The following SLC25A35 variants were observed in gnomAD, a reference collection of about 807,000 sequenced individuals.
SLC25A35 encodes solute carrier family 25, member 35.
A neutral mutation model predicts 30.5 loss-of-function variants in SLC25A35; 32 were observed. That is an observed-to-expected ratio of 1.05 (90% CI 0.79 to 1.41). The LOEUF is 1.41. SLC25A35 is among the 40% of genes most tolerant of loss of function. The pLI is 0.00. For synonymous variants in SLC25A35, 142 were observed against 158.1 expected (o/e 0.90, Z 0.77); for missense variants, 369 against 388.0 (o/e 0.95, Z 0.41).
rs1399548445 is a variant in SLC25A35, at chr17:8,290,102, C to T, written c.*403G>A. 2 of 1,505,424 alleles carry T rather than the reference C, an allele frequency of 1.3e-6. No homozygotes were observed. Among genetic ancestry groups the T allele is most frequent in the African/African-American group, 2.8e-5 (2 of 71,466 alleles). 93.3% of individuals were successfully genotyped at this position (1,505,424 alleles called of 1,614,324 possible). A position where few individuals can be genotyped will look rare whatever the true frequency, so the allele number is the denominator to read the frequency against. ...TTTATAATCAATATAATCTCTGTGC[C>T]TTTGAATCTAACAGGACACCTGGGT... On this transcript the variant is annotated 3_prime_UTR_variant, in exon 5 of 5. Coordinates refer to ENST00000577745, the MANE Select transcript of SLC25A35 (RefSeq NM_001320870.2).
chr17:8,291,071 C>CTG, intron 3 of SLC25A35, 95 bp from the exon 4 acceptor site: 1 of 1,519,584 alleles, frequency 6.6e-7, no homozygotes, highest in East Asian at 2.3e-5. Context: ...ATGCTGGTAA[C>CTG]TGGGGGAGCT....
intron 2 of SLC25A35, among the ~76,000 whole-genome samples, 166 bp downstream of exon 2, chr17:8,292,357 T>C (rs1353887829): frequency 6.6e-6 from 1 of 152,104 alleles, no homozygotes; most frequent in Non-Finnish European, 1.5e-5. Context: ...AGACTCCATC[T>C]AAAAAAAGAG....
downstream of SLC25A35, chr17:8,288,633 A>G (rs113617815): frequency 0.022 from 19,356 of 865,558 alleles, 352 homozygotes; most frequent in African/African-American, 0.07. Flanking sequence ...CGATTGGCCA[A>G]CGAGAGCGCA....
Position 8,290,295 on chromosome 17 carries a change from G to C in SLC25A35, c.*210C>G. 7.0e-7 allele frequency: 1 copy of C among 1,427,468 alleles called. No individual in the cohort carries two copies. The highest frequency in any genetic ancestry group is 9.1e-7 in the Non-Finnish European group (1 of 1,096,232). The allele number at this position is 1,427,468 out of a possible 1,614,324, so 88.4% of individuals were successfully genotyped here. On this transcript the variant is annotated 3_prime_UTR_variant, in exon 5 of 5. Transcript: ENST00000577745. ...GAGAGAGGGGTGTGAGTTACCCAGG[G>C]AATGGGTAGGGAAGGTTTAAAGCAA... is the stretch of plus-strand genomic sequence containing the variant.
chr17:8,293,556 T>C (rs918430258), intron 1 of SLC25A35, among the ~76,000 whole-genome samples: 12 of 140,078 alleles, frequency 8.6e-5, no homozygotes, highest in Non-Finnish European at 1.6e-4. Flanking sequence ...TCTTTTCTTT[T>C]TTTTTTTTTT....
chr17:8,291,484 C>A lies in SLC25A35; in HGVS notation c.443G>T (p.Gly148Val). ...AATCTCGGTTAGCGCCTGAAACATG[C>A]CCTAGTGTGGGGAAGACCGGGGGTG... ...IAVGHQYKHQ[G>V]MFQALTEIGQ... Residue 148 changes from glycine (G) to valine (V), a missense_variant and splice_region_variant, in exon 3 of 5, where the codon GGC becomes GTC. Transcript: ENST00000577745. 3.7e-6 allele frequency: 6 copies of A among 1,611,558 alleles called. No individual in the cohort carries two copies. The highest frequency in any genetic ancestry group is 5.1e-6 in the Non-Finnish European group (6 of 1,178,734).
At chr17:8,294,280 T>C (rs1011735845) in intron 1 of SLC25A35, among the ~76,000 whole-genome samples, 153 bp downstream of exon 1, 1 of 152,102 alleles carries the variant, frequency 6.6e-6, no homozygotes, top group African/African-American at 2.4e-5. Flanking sequence ...ATAGGGCAGA[T>C]CAGAAGACTC....
intron 1 of SLC25A35, among the ~76,000 whole-genome samples, chr17:8,293,441 G>A (rs1205423975): frequency 1.3e-5 from 2 of 152,040 alleles, no homozygotes; most frequent in South Asian, 2.1e-4. Flanking sequence ...CATGTCTACC[G>A]CATTTGTCTC....
rs1451726266 is a variant in SLC25A35, at chr17:8,292,533, T to C, written c.431A>G (p.Tyr144Cys). 6.2e-7 allele frequency: 1 copy of C among 1,614,106 alleles called. No homozygotes were observed. Among genetic ancestry groups the C allele is most frequent in the Admixed American group, 1.7e-5 (1 of 60,008 alleles). The change falls in exon 2 of 5, where the codon TAT (tyrosine) becomes TGT (cysteine). Residue 144 changes from tyrosine (Y) to cysteine (C), a missense_variant. Tyr to Cys is a radical substitution (Grantham distance 194, BLOSUM62 -2). Coordinates refer to ENST00000577745, the MANE Select transcript of SLC25A35 (RefSeq NM_001320870.2). ...AASEIAVGHQYKHQGMFQALT... is the reference protein window; with the variant it reads ...AASEIAVGHQCKHQGMFQALT... ...CTTGGGAACCCTCACCTGATGCTTA[T>C]ACTGGTGCCCTACAGCAATTTCTGA...
In SLC25A35 at chr17:8,292,561, C is replaced by T. The variant is rs1990586353; in HGVS notation, c.403G>A (p.Ala135Thr). ...TGGTGCCCTACAGCAATTTCTGAGG[C>T]TGCCTGTGCCTGCAGGTGTGTCTTC... ...MVKTHLQAQA[A>T]SEIAVGHQYK... Residue 135 changes from alanine (A) to threonine (T), a missense_variant, in exon 2 of 5, where the codon GCC becomes ACC. Transcript: ENST00000577745. 1 of 1,614,082 alleles carries T rather than the reference C, an allele frequency of 6.2e-7. No individual in the cohort carries two copies. Among genetic ancestry groups the T allele is most frequent in the South Asian group, 1.1e-5 (1 of 91,086 alleles).
downstream of SLC25A35, chr17:8,289,247 C>G: frequency 6.2e-7 from 1 of 1,613,168 alleles, no homozygotes; most frequent in African/African-American, 1.3e-5. Context: ...GACCCCGCTT[C>G]CCTACTCCAG....
At position 8,291,024 on chromosome 17, in the gene SLC25A35, C is replaced by T. The variant is rs771732473; in HGVS notation, c.595-48G>A. On this transcript the variant is annotated intron_variant, in intron 3 of 4. Transcript: ENST00000577745. ...CGTTGTCAACCAGCCAACTATTACA[C>T]CCCAAGGACAGGACAGTCCCTGCCC... 13 of 1,609,764 alleles carry T rather than the reference C, an allele frequency of 8.1e-6. 1 individual carries two copies. The highest frequency in any genetic ancestry group is 1.6e-4 in the Middle Eastern group (1 of 6,074).
Position 8,290,116 on chromosome 17 carries a change from G to A in SLC25A35, c.*389C>T. The A allele has an allele frequency of 1.4e-6, 2 of 1,481,418 alleles. No individual in the cohort carries two copies. The highest frequency in any genetic ancestry group is 1.8e-6 in the Non-Finnish European group (2 of 1,118,882). The allele number at this position is 1,481,418 out of a possible 1,614,324, so 91.8% of individuals were successfully genotyped here. On this transcript the variant is annotated 3_prime_UTR_variant, in exon 5 of 5. Transcript: ENST00000577745. ...AATCTCTGTGCCTTTGAATCTAACAGGACACCTGGGTCCCAGACGCCTGGG... is the reference window on the plus strand; with the variant it reads ...AATCTCTGTGCCTTTGAATCTAACAAGACACCTGGGTCCCAGACGCCTGGG...
At chr17:8,288,502 C>T, downstream of SLC25A35, 1 of 515,976 alleles carries the variant, frequency 1.9e-6, no homozygotes, top group Non-Finnish European at 3.5e-6. Flanking sequence ...CCACCGGGGG[C>T]GACATAGACC....
At chr17:8,288,688 G>A, downstream of SLC25A35, 1 of 1,327,682 alleles carries the variant, frequency 7.5e-7, no homozygotes, top group Non-Finnish European at 1.1e-6. Flanking sequence ...AGCCAGACCC[G>A]GGTGGCGGTG....
At chr17:8,289,780 A>G (rs1597442362), downstream of SLC25A35, 2 of 1,613,578 alleles carry the variant, frequency 1.2e-6, no homozygotes, top group East Asian at 4.5e-5. Flanking sequence ...GGCCTGGATG[A>G]TGTTCTGTCT....
At position 8,290,528 on chromosome 17, in the gene SLC25A35, G is replaced by A. The variant is rs1369745926; in HGVS notation, c.880C>T (p.Leu294Phe). The A allele has an allele frequency of 1.3e-6, 2 of 1,536,068 alleles. No homozygotes were observed. The highest frequency in any genetic ancestry group is 3.9e-5 in the Admixed American group (2 of 50,982). Residue 294 changes from leucine (L) to phenylalanine (F), a missense_variant, in exon 5 of 5, where the codon CTC (leucine) becomes TTC (phenylalanine). Coordinates refer to ENST00000577745, the MANE Select transcript of SLC25A35 (RefSeq NM_001320870.2). The part of the protein sequence containing the change: ...SLFFWDQLRS[L>F]YYTDTK ...TGTTATTTAGTGTCTGTGTAGTAGA[G>A]GGAGCGCAGCTGGTCCCAGAAGAAG...
chr17:8,293,351 C>T (rs1274015860), intron 1 of SLC25A35, among the ~76,000 whole-genome samples: 2 of 152,066 alleles, frequency 1.3e-5, no homozygotes, highest in African/African-American at 4.8e-5. Context: ...TTCACAAATC[C>T]AACCTCAATA....
chr17:8,289,796 T>C, downstream of SLC25A35: 1 of 1,613,700 alleles, frequency 6.2e-7, no homozygotes, highest in South Asian at 1.1e-5. Flanking sequence ...TGTCTCCATC[T>C]GTTCCCCCAC....
Sources: allele counts gnomAD v4.1 joint callset (sites outside exome capture counted in the v4.1 genomes callset), GRCh38; gene constraint gnomAD v4.1.1; transcripts MANE v1.5; gene names NCBI Gene and HGNC (gene_info 2026-07-23, HGNC 2026-07-21).